CDS1: variants seen among roughly 807,000 people sequenced by gnomAD.
The protein encoded by CDS1 is phosphatidate cytidylyltransferase 1.
Under a neutral mutation model 62.1 loss-of-function variants are expected in CDS1, and 41 were observed. The ratio of observed to expected loss-of-function variants is 0.66; its 90% CI spans 0.51 to 0.86. The LOEUF (loss-of-function observed/expected upper bound fraction) is 0.86. Among genes scored for constraint, CDS1 ranks in the 40% least tolerant of loss-of-function variants. The pLI, the probability that CDS1 is intolerant of heterozygous loss-of-function variation, is 0.00. For synonymous variants in CDS1, 185 were observed against 192.6 expected (o/e 0.96, Z 0.32); for missense variants, 470 against 550.1 (o/e 0.85, Z 1.46).
intron 1 of CDS1, among the ~76,000 whole-genome samples, chr4:84,600,301 T>C (rs1722897993): frequency 2.0e-5 from 3 of 152,232 alleles, no homozygotes; most frequent in South Asian, 4.1e-4. Flanking sequence ...ATATGTTTCG[T>C]TCTGTGACTT....
rs1488770100 is a variant in CDS1, at chr4:84,623,882, A to G, written c.580+4349A>G. 2.0e-5 allele frequency among the ~76,000 whole-genome samples: 3 copies of G among 151,972 alleles called. No individual in the cohort carries two copies. In the East Asian group the frequency reaches 5.8e-4, roughly 29 times the overall value. On this transcript the variant is annotated intron_variant, in intron 5 of 12. Transcript: ENST00000295887. ...GTTCGTGCCGCTTGCTGACTTGGGC[A>G]CTGACCTGTGGCCCCTCCATGTGGC...
chr4:84,596,360 G>A (rs1722751677), intron 1 of CDS1, among the ~76,000 whole-genome samples: 1 of 152,198 alleles, frequency 6.6e-6, no homozygotes, highest in Non-Finnish European at 1.5e-5. Context: ...AAGTGAAGAT[G>A]TCCCGGTAGG....
At chr4:84,596,247 A>G (rs1385596599) in intron 1 of CDS1, among the ~76,000 whole-genome samples, 1 of 152,164 alleles carries the variant, frequency 6.6e-6, no homozygotes, top group African/African-American at 2.4e-5. Flanking sequence ...CTAGCTTCTG[A>G]TTGCTGCTAA....
intron 1 of CDS1, among the ~76,000 whole-genome samples, chr4:84,593,236 A>G (rs1195216421): frequency 6.6e-6 from 1 of 152,144 alleles, no homozygotes; most frequent in Non-Finnish European, 1.5e-5. Flanking sequence ...TACTGCTTTT[A>G]ATAAATATGA....
At chr4:84,591,153 T>C (rs1474792474) in intron 1 of CDS1, among the ~76,000 whole-genome samples, 1 of 152,180 alleles carries the variant, frequency 6.6e-6, no homozygotes, top group East Asian at 1.9e-4. Flanking sequence ...TATATACACA[T>C]GTAGTATGAG....
At chr4:84,635,625 G>GCCTGCCTTCCTT (rs1427979604) in intron 8 of CDS1, among the ~76,000 whole-genome samples, 23 of 53,464 alleles carry the variant, frequency 4.3e-4, no homozygotes, top group East Asian at 3.1e-3. Context: ...CTGCCTGCCT[G>GCCTGCCTTCCTT]CCTTCCTTCC....
intron 1 of CDS1, among the ~76,000 whole-genome samples, chr4:84,602,643 C>A (rs1722971636): frequency 6.6e-6 from 1 of 152,074 alleles, no homozygotes; most frequent in Non-Finnish European, 1.5e-5. Flanking sequence ...ACCCCTCACA[C>A]CACTCCTGTC....
At position 84,648,670 on chromosome 4, in the gene CDS1, C is replaced by A; in HGVS notation, c.1370C>A (p.Pro457His). ...CTCATTGAGAAAGGAATCCTACAAC[C>A]CACCTTGAAGGTATAACTGGATCCA... is the stretch of plus-strand genomic sequence containing the variant. ...THLIEKGILQ[P>H]TLKV The change falls in exon 13 of 13, where the codon CCC becomes CAC. Residue 457 changes from proline to histidine, a missense_variant. By Grantham distance (77) the Pro-to-His change is moderately conservative. This residue lies in a region of CDS1 where 68 missense variants were observed against 81.5 expected (regional missense o/e 0.83). Transcript: ENST00000295887. 6.2e-7 allele frequency: 1 copy of A among 1,612,932 alleles called. No homozygotes were observed. Among genetic ancestry groups the A allele is most frequent in the Non-Finnish European group, 8.5e-7 (1 of 1,179,334 alleles).
intron 12 of CDS1, among the ~76,000 whole-genome samples, chr4:84,647,240 T>C (rs896987914): frequency 1.3e-5 from 2 of 152,204 alleles, no homozygotes; most frequent in African/African-American, 4.8e-5. Context: ...ATCCTTTTAA[T>C]GGGACTATTT....
chr4:84,624,623 A>G (rs1417527937), intron 5 of CDS1, among the ~76,000 whole-genome samples: 2 of 152,212 alleles, frequency 1.3e-5, no homozygotes, highest in African/African-American at 4.8e-5. Flanking sequence ...ATATACAGCA[A>G]TAGCTGAGAG....
intron 3 of CDS1, among the ~76,000 whole-genome samples, chr4:84,611,371 G>T (rs982457498): frequency 6.6e-6 from 1 of 151,958 alleles, no homozygotes; most frequent in African/African-American, 2.4e-5. Context: ...TTCTTCTTAT[G>T]TACTCATCTC....
intron 5 of CDS1, among the ~76,000 whole-genome samples, chr4:84,629,318 C>T (rs1208130709): frequency 6.8e-6 from 1 of 147,804 alleles, no homozygotes; most frequent in East Asian, 2.0e-4. Context: ...ATGGGTTTTG[C>T]ATCTCTGGAG....
At chr4:84,624,365 T>C (rs1447707293) in intron 5 of CDS1, among the ~76,000 whole-genome samples, 3 of 149,748 alleles carry the variant, frequency 2.0e-5, no homozygotes, top group Non-Finnish European at 4.4e-5. Context: ...TAGAAAGGAG[T>C]ATTCCATGAA....
chr4:84,635,379 A>G (rs748320604), intron 8 of CDS1, 28 bp downstream of exon 8: 2 of 1,046,514 alleles, frequency 1.9e-6, no homozygotes, highest in Non-Finnish European at 3.0e-6. Flanking sequence ...TAAGCAAGCC[A>G]CTATGTAACC....
At chr4:84,599,758 A>C (rs983798264) in intron 1 of CDS1, among the ~76,000 whole-genome samples, 4 of 152,090 alleles carry the variant, frequency 2.6e-5, no homozygotes, top group African/African-American at 9.7e-5. Context: ...CCACTGTATG[A>C]AAGTAACATA....
intron 6 of CDS1, 122 bp downstream of exon 6, chr4:84,631,999 A>G: frequency 1.6e-6 from 1 of 609,192 alleles, no homozygotes; most frequent in Non-Finnish European, 3.0e-6. Context: ...TGTGAGGGAT[A>G]CTTGGATTTC....
rs558315355 is a variant in CDS1, at chr4:84,650,881, G to T, written c.*2195G>T. ...TAGCAAAAGATTGCCATAAAACCCT[G>T]ACTTGGCTCATTTTGATATTTGCAC... On this transcript the variant is annotated 3_prime_UTR_variant, in exon 13 of 13. Coordinates refer to ENST00000295887, the MANE Select transcript of CDS1 (RefSeq NM_001263.4). 1 of 152,256 alleles carries T rather than the reference G, an allele frequency of 6.6e-6. No individual in the cohort carries two copies. The highest frequency in any genetic ancestry group is 1.9e-4 in the East Asian group (1 of 5,186). 9.4% of individuals were successfully genotyped at this position (152,256 alleles called of 1,614,324 possible).
intron 1 of CDS1, among the ~76,000 whole-genome samples, chr4:84,589,269 A>C (rs1289436687): frequency 6.6e-6 from 1 of 152,234 alleles, no homozygotes; most frequent in African/African-American, 2.4e-5. Context: ...TCAGAAATTC[A>C]CTGGTTGTTC....
At chr4:84,617,192 A>G (rs552449496) in intron 3 of CDS1, among the ~76,000 whole-genome samples, 1 of 152,334 alleles carries the variant, frequency 6.6e-6, no homozygotes, top group South Asian at 2.1e-4. Flanking sequence ...CAAGAAACAT[A>G]ATGGACAGGT....
Sources: gnomAD v4.1 joint callset for allele counts (sites outside exome capture counted in the v4.1 genomes callset) on GRCh38, gnomAD v4.1.1 for gene constraint, gnomAD v4.1.1 regional missense constraint, MANE v1.5 for transcripts, NCBI Gene and HGNC (gene_info 2026-07-23, HGNC 2026-07-21) for gene names.